Variants in SUMF1 observed in about 807,000 individuals in gnomAD.
The protein encoded by SUMF1 is sulfatase modifying factor 1.
A neutral mutation model predicts 47.6 loss-of-function variants in SUMF1; 48 were observed. The observed-to-expected ratio is 1.01, with a 90% CI of 0.80 to 1.28. The LOEUF (loss-of-function observed/expected upper bound fraction) is 1.28, where lower values mean the gene tolerates loss of function less well. SUMF1 is among the 50% of genes most tolerant of loss of function. The pLI, the probability that SUMF1 is intolerant of heterozygous loss-of-function variation, is 0.00. For missense variants in SUMF1, 571 were observed against 485.4 expected (o/e 1.18, Z -1.66); for synonymous variants, 230 against 192.1 (o/e 1.20, Z -1.63).
At chr3:4,441,491 G>A (rs1001297882) in intron 3 of SUMF1, among the ~76,000 whole-genome samples, 1 of 152,110 alleles carries the variant, frequency 6.6e-6, no homozygotes, top group Non-Finnish European at 1.5e-5. Context: ...CCACATCCGA[G>A]GAAAAACTGT....
At chr3:4,081,554 T>C (rs372218734) in intron 8 of SUMF1, among the ~76,000 whole-genome samples, 42 of 152,254 alleles carry the variant, frequency 2.8e-4, no homozygotes, top group African/African-American at 9.6e-4. Context: ...TAGAGTGGTT[T>C]AGAAAAAAAG....
chr3:4,351,030 TC>T (rs1699489532), intron 8 of SUMF1, among the ~76,000 whole-genome samples: 1 of 151,972 alleles, frequency 6.6e-6, no homozygotes, highest in Admixed American at 6.6e-5. Flanking sequence ...GAGCTACCAC[TC>T]CACGGAAAAC....
At chr3:4,037,875 T>C (rs1283150668) in intron 9 of SUMF1, among the ~76,000 whole-genome samples, 1 of 152,174 alleles carries the variant, frequency 6.6e-6, no homozygotes, top group Non-Finnish European at 1.5e-5. Context: ...GCAGGGTCTT[T>C]ATTTGTAACT....
chr3:4,350,188 T>C (rs1699464247), intron 8 of SUMF1, among the ~76,000 whole-genome samples: 2 of 151,782 alleles, frequency 1.3e-5, no homozygotes, highest in Admixed American at 1.3e-4. Flanking sequence ...TTTTTTAGTA[T>C]TAAAAAATCA....
intron 8 of SUMF1, among the ~76,000 whole-genome samples, chr3:4,296,554 G>A (rs1459857972): frequency 1.3e-5 from 2 of 152,160 alleles, no homozygotes; most frequent in African/African-American, 4.8e-5. Flanking sequence ...GGCAAGATAA[G>A]CGTGTGCAGG....
intron 1 of SUMF1, among the ~76,000 whole-genome samples, chr3:4,460,928 T>C (rs1236740017): frequency 6.6e-6 from 1 of 152,196 alleles, no homozygotes; most frequent in East Asian, 1.9e-4. Flanking sequence ...GTGCTGGGCT[T>C]ACAGGCATGA....
At chr3:4,160,932 C>T (rs149416829) in intron 8 of SUMF1, among the ~76,000 whole-genome samples, 1 of 152,088 alleles carries the variant, frequency 6.6e-6, no homozygotes, top group Admixed American at 6.5e-5. Context: ...GTAGTCTTCA[C>T]AGTTTGGGCT....
intron 4 of SUMF1, among the ~76,000 whole-genome samples, chr3:4,418,790 T>C (rs544393814): frequency 6.6e-6 from 1 of 152,272 alleles, no homozygotes; most frequent in East Asian, 1.9e-4. Context: ...ACTTTTCCTC[T>C]ACAAGAGGCC....
chr3:4,143,859 C>A (rs1374937888), intron 8 of SUMF1, among the ~76,000 whole-genome samples: 2 of 152,076 alleles, frequency 1.3e-5, no homozygotes, highest in Non-Finnish European at 2.9e-5. Flanking sequence ...ATTTCAGGCC[C>A]CAACCCAGTT....
chr3:4,439,729 T>A lies in SUMF1; in HGVS notation c.519+9537A>T, dbSNP rs191229567. ...AAATTTCTTTTTATTTTTTAATTTT[T>A]ATTTTTTTTTTAATATTAGAGATGA... is the stretch of plus-strand genomic sequence containing the variant. On this transcript the variant is annotated intron_variant, in intron 3 of 8. Coordinates refer to ENST00000272902, the MANE Select transcript of SUMF1 (RefSeq NM_182760.4). Among the ~76,000 whole-genome samples, 191 of 151,812 alleles carry A rather than the reference T, an allele frequency of 1.3e-3. 1 individual carries two copies. Among genetic ancestry groups the A allele is most frequent in the African/African-American group, 4.4e-3 (182 of 41,526 alleles).
chr3:4,344,300 C>T (rs866850855), intron 8 of SUMF1, among the ~76,000 whole-genome samples: 2 of 152,168 alleles, frequency 1.3e-5, no homozygotes, highest in Non-Finnish European at 2.9e-5. Flanking sequence ...CAGTGCCCCT[C>T]GAGGGCAGAG....
intron 3 of SUMF1, among the ~76,000 whole-genome samples, chr3:4,428,679 G>A (rs115133182): frequency 2.1e-3 from 319 of 151,180 alleles, no homozygotes; most frequent in African/African-American, 7.0e-3. Context: ...TGTCTGAAAC[G>A]TCTACAGCGA....
chr3:4,344,202 G>A (rs566056739), intron 8 of SUMF1, among the ~76,000 whole-genome samples: 94 of 152,300 alleles, frequency 6.2e-4, no homozygotes, highest in Non-Finnish European at 1.1e-3. Flanking sequence ...GAAGGCTGTC[G>A]TGACCCACGG....
At chr3:4,295,466 G>A (rs934933315) in intron 8 of SUMF1, among the ~76,000 whole-genome samples, 1 of 151,838 alleles carries the variant, frequency 6.6e-6, no homozygotes, top group Non-Finnish European at 1.5e-5. Context: ...TATTATAGAT[G>A]AGAAGGAAGA....
intron 8 of SUMF1, among the ~76,000 whole-genome samples, chr3:4,236,729 A>G (rs1020889298): frequency 6.6e-6 from 1 of 152,156 alleles, no homozygotes; most frequent in Admixed American, 6.6e-5. Context: ...GTTTGTAACA[A>G]TCAATGAACC....
Position 4,380,768 on chromosome 3 carries a change from A to G in SUMF1, c.955-4379T>C, listed in dbSNP as rs753968254. Reference sequence around the variant, plus strand: ...CATGGTCGCAAGAACAGCAAAACACACAGGTTTCTACATAACAGTCCCAAT... The same window carrying G: ...CATGGTCGCAAGAACAGCAAAACACGCAGGTTTCTACATAACAGTCCCAAT... On this transcript the variant is annotated intron_variant, in intron 7 of 8. Coordinates refer to ENST00000272902, the MANE Select transcript of SUMF1 (RefSeq NM_182760.4). Among the ~76,000 whole-genome samples the G allele has an allele frequency of 1.3e-4, 20 of 152,186 alleles. 1 individual carries two copies. The highest frequency in any genetic ancestry group is 2.4e-4 in the Non-Finnish European group (16 of 68,024).
chr3:4,316,440 T>C (rs557795399), intron 8 of SUMF1: 4 of 1,599,028 alleles, frequency 2.5e-6, no homozygotes, highest in Admixed American at 1.7e-5. Flanking sequence ...CAACGACCAG[T>C]TGAGAGCAAT....
At chr3:4,356,839 G>T (rs1699629448), downstream of SUMF1, among the ~76,000 whole-genome samples, 1 of 152,210 alleles carries the variant, frequency 6.6e-6, no homozygotes, top group African/African-American at 2.4e-5. Flanking sequence ...CCATGGACGA[G>T]AACAGAGCAG....
chr3:4,261,802 G>A (rs1697092650), intron 8 of SUMF1, among the ~76,000 whole-genome samples: 1 of 152,132 alleles, frequency 6.6e-6, no homozygotes, highest in African/African-American at 2.4e-5. Context: ...TCTCCCAAAG[G>A]CCCCACAACT....
Sources: gnomAD v4.1 joint callset for allele counts (sites outside exome capture counted in the v4.1 genomes callset) on GRCh38, gnomAD v4.1.1 for gene constraint, MANE v1.5 for transcripts, NCBI Gene and HGNC (gene_info 2026-07-23, HGNC 2026-07-21) for gene names.